Variants in ZFP1 observed in about 807,000 individuals in gnomAD.
The protein encoded by ZFP1 is ZFP1 zinc finger protein, also known as zinc finger protein 1 homolog.
Under a neutral mutation model 38.5 loss-of-function variants are expected in ZFP1, and 32 were observed. The ratio of observed to expected loss-of-function variants is 0.83; its 90% CI spans 0.63 to 1.12. The LOEUF is 1.12. Among genes scored for constraint, ZFP1 ranks in the 50% most tolerant of loss-of-function variants. The probability of loss-of-function intolerance (pLI) is 0.00; values close to 1 mark genes in which losing one functional copy is unlikely to be tolerated. For synonymous variants in ZFP1, 245 were observed against 168.8 expected, an observed-to-expected ratio of 1.45 and a Z score of -3.50; for missense variants, 616 against 480.8, an observed-to-expected ratio of 1.28 and a Z score of -2.63.
the ZFP1 span, among the ~76,000 whole-genome samples, chr16:75,128,513 G>A: frequency 6.6e-6 from 1 of 152,288 alleles, no homozygotes; most frequent in Admixed American, 6.5e-5. Context: ...CAAAACTATA[G>A]TAACACTCAT....
chr16:75,148,182 G>C (rs546899296), upstream of ZFP1, among the ~76,000 whole-genome samples: 2 of 152,058 alleles, frequency 1.3e-5, no homozygotes, highest in Admixed American at 1.3e-4. Flanking sequence ...GTGAGATTAT[G>C]GATACTTTAT....
At chr16:75,167,051 A>G (rs989230906) in intron 3 of ZFP1, 155 bp downstream of exon 3, 1 of 1,379,146 alleles carries the variant, frequency 7.3e-7, no homozygotes, top group South Asian at 1.5e-5. Flanking sequence ...AAGCTCTATC[A>G]TCTCCTTTCC....
At chr16:75,122,853 T>C in the ZFP1 span, among the ~76,000 whole-genome samples, 106 of 152,340 alleles carry the variant, frequency 7.0e-4, no homozygotes, top group Admixed American at 2.4e-3. Context: ...TGGAGTCACT[T>C]AGGTGCAATC....
In ZFP1 at chr16:75,169,707, C is replaced by T. The variant is rs749967350; in HGVS notation, c.597C>T (p.Leu199=). ...AGGCTTTCTCCTTTAAGTCACTCCT[C>T]ATTAGTCATAAGAGAATACATACTG... is the stretch of plus-strand genomic sequence containing the variant. ...CDKAFSFKSL[L]ISHKRIHTGE... Residue 199 remains leucine (L), a synonymous_variant, in exon 4 of 4, where the codon CTC becomes CTT. Transcript: ENST00000570010. 3.7e-6 allele frequency: 6 copies of T among 1,612,804 alleles called. No homozygotes were observed. The highest frequency in any genetic ancestry group is 3.3e-5 in the South Asian group (3 of 90,972).
chr16:75,134,572 G>A, the ZFP1 span, among the ~76,000 whole-genome samples: 1 of 151,146 alleles, frequency 6.6e-6, no homozygotes, highest in African/African-American at 2.4e-5. Context: ...CTAACATGGT[G>A]AAACCCCGTC....
chr16:75,152,973 T>G lies in ZFP1; in HGVS notation c.15+7T>G, dbSNP rs901562135. 6.2e-7 allele frequency: 1 copy of G among 1,613,622 alleles called. No individual in the cohort carries two copies. The highest frequency in any genetic ancestry group is 8.5e-7 in the Non-Finnish European group (1 of 1,179,800). On this transcript the variant is annotated splice_region_variant and intron_variant, in intron 2 of 3. Coordinates refer to ENST00000570010, the MANE Select transcript of ZFP1 (RefSeq NM_153688.4). ...GAAAATGAACAAATCCCAGGTGAGTTGTTTGTTTATTCCCCATTTTGCTTT... is the reference window on the plus strand; with the variant it reads ...GAAAATGAACAAATCCCAGGTGAGTGGTTTGTTTATTCCCCATTTTGCTTT...
At chr16:75,164,536 C>G (rs986681159) in intron 2 of ZFP1, among the ~76,000 whole-genome samples, 4 of 152,076 alleles carry the variant, frequency 2.6e-5, no homozygotes, top group Non-Finnish European at 4.4e-5. Context: ...CCAACTGATT[C>G]TTGCTGGGCT....
chr16:75,163,767 A>G (rs1285824866), intron 2 of ZFP1, among the ~76,000 whole-genome samples: 1 of 151,690 alleles, frequency 6.6e-6, no homozygotes, highest in Non-Finnish European at 1.5e-5. Flanking sequence ...GTGCACCACC[A>G]CGTCCAGCTA....
the ZFP1 span, among the ~76,000 whole-genome samples, chr16:75,132,839 T>C: frequency 6.6e-6 from 1 of 151,224 alleles, no homozygotes; most frequent in Admixed American, 6.6e-5. Flanking sequence ...TTTTTTTTTT[T>C]AGTAGAGATG....
intron 3 of ZFP1, among the ~76,000 whole-genome samples, chr16:75,167,809 A>T (rs2038179898): frequency 6.6e-6 from 1 of 152,008 alleles, no homozygotes; most frequent in Admixed American, 6.6e-5. Context: ...AGAACTCCTG[A>T]CCCCAGGCCA....
chr16:75,168,267 T>A (rs915468680), intron 3 of ZFP1, among the ~76,000 whole-genome samples: 1 of 152,216 alleles, frequency 6.6e-6, no homozygotes, highest in African/African-American at 2.4e-5. Flanking sequence ...ACCAACAGTG[T>A]ATCTTAGCCT....
At chr16:75,166,477 A>G (rs1203178386) in intron 2 of ZFP1, 13 of 916,246 alleles carry the variant, frequency 1.4e-5, no homozygotes, top group Non-Finnish European at 1.7e-5. Context: ...TCCCCCGCCC[A>G]CCTAGCCTCC....
the ZFP1 span, among the ~76,000 whole-genome samples, chr16:75,140,205 T>C: frequency 3.9e-5 from 6 of 151,926 alleles, no homozygotes; most frequent in African/African-American, 1.2e-4. Context: ...GAGGTAGACG[T>C]TGCGGTGAGC....
chr16:75,160,128 C>T (rs1347057593), intron 2 of ZFP1, among the ~76,000 whole-genome samples: 1 of 152,230 alleles, frequency 6.6e-6, no homozygotes, highest in Admixed American at 6.5e-5. Context: ...AATCTTTATG[C>T]AGAATGTTAA....
At chr16:75,140,079 A>T in the ZFP1 span, among the ~76,000 whole-genome samples, 1 of 151,980 alleles carries the variant, frequency 6.6e-6, no homozygotes, top group Non-Finnish European at 1.5e-5. Flanking sequence ...GACCAGCCTG[A>T]CCAACGTGGA....
At chr16:75,141,345 G>A in the ZFP1 span, among the ~76,000 whole-genome samples, 3 of 151,686 alleles carry the variant, frequency 2.0e-5, no homozygotes, top group African/African-American at 7.3e-5. Flanking sequence ...TGGGACTACA[G>A]GCGCCCACCA....
At position 75,169,300 on chromosome 16, in the gene ZFP1, G is replaced by C. The variant is rs995755171; in HGVS notation, c.190G>C (p.Asp64His). 2 of 1,613,960 alleles carry C rather than the reference G, an allele frequency of 1.2e-6. No individual in the cohort carries two copies. The highest frequency in any genetic ancestry group is 1.7e-6 in the Non-Finnish European group (2 of 1,179,966). ...GATGGAGAGAGACCACAGAAACCCA[G>C]ACGAGCAGGCGAGGCAATTTTTAAT... is the stretch of plus-strand genomic sequence containing the variant. ...DQMERDHRNPDEQARQFLILK... is the reference protein window; with the variant it reads ...DQMERDHRNPHEQARQFLILK... Residue 64 changes from aspartate (D) to histidine (H), a missense_variant, in exon 4 of 4, where the codon GAC becomes CAC. By Grantham distance (81) the Asp-to-His change is moderately conservative. Transcript: ENST00000570010.
chr16:75,149,686 G>C (rs566272938), intron 1 of ZFP1, among the ~76,000 whole-genome samples: 4 of 151,728 alleles, frequency 2.6e-5, no homozygotes, highest in African/African-American at 7.3e-5. Flanking sequence ...AGCCTCCCGA[G>C]TAGCTGGGAT....
intron 2 of ZFP1, among the ~76,000 whole-genome samples, chr16:75,157,691 T>C (rs891296090): frequency 1.3e-5 from 2 of 152,220 alleles, no homozygotes; most frequent in Non-Finnish European, 2.9e-5. Context: ...TATGATTCTG[T>C]CTTCCTGATG....
Sources: gnomAD v4.1 joint callset for allele counts (sites outside exome capture counted in the v4.1 genomes callset) on GRCh38, gnomAD v4.1.1 for gene constraint, MANE v1.5 for transcripts, NCBI Gene and HGNC (gene_info 2026-07-23, HGNC 2026-07-21) for gene names.